Variants in MAMDC2 observed in about 807,000 individuals in gnomAD.
MAMDC2 encodes MAM domain containing 2.
Under a neutral mutation model 89.8 loss-of-function variants are expected in MAMDC2, and 57 were observed. That is an observed-to-expected ratio of 0.63 (90% CI 0.51 to 0.79). The LOEUF (loss-of-function observed/expected upper bound fraction) is 0.79. Among genes scored for constraint, MAMDC2 ranks in the 30% least tolerant of loss-of-function variants. The pLI is 0.00. For missense variants in MAMDC2, 800 were observed against 820.6 expected, an observed-to-expected ratio of 0.97 and a Z score of 0.31; for synonymous variants, 313 against 293.4, an observed-to-expected ratio of 1.07 and a Z score of -0.68.
intron 12 of MAMDC2, among the ~76,000 whole-genome samples, chr9:70,222,010 T>A (rs923292201): frequency 1.9e-4 from 29 of 152,134 alleles, no homozygotes; most frequent in African/African-American, 6.3e-4. Context: ...TATACTGCAA[T>A]GGGACAAGGA....
intron 10 of MAMDC2, chr9:70,170,223 A>G (rs555401937): frequency 4.9e-5 from 19 of 384,410 alleles, no homozygotes; most frequent in South Asian, 2.8e-4. Context: ...CAAGTCAGAG[A>G]AAGTTTTTTT....
chr9:70,155,120 C>A (rs1014758791), intron 9 of MAMDC2, among the ~76,000 whole-genome samples: 1 of 152,104 alleles, frequency 6.6e-6, no homozygotes, highest in Admixed American at 6.6e-5. Context: ...CATCTTTACC[C>A]CAGTCTTCTC....
chr9:70,154,702 A>C (rs142883477), intron 9 of MAMDC2, among the ~76,000 whole-genome samples: 41 of 151,944 alleles, frequency 2.7e-4, no homozygotes, highest in African/African-American at 9.6e-4. Flanking sequence ...TTGCAGAGAC[A>C]GGGTCTCACT....
At chr9:70,102,019 T>C (rs936701305) in intron 2 of MAMDC2, among the ~76,000 whole-genome samples, 1 of 152,228 alleles carries the variant, frequency 6.6e-6, no homozygotes, top group South Asian at 2.1e-4. Flanking sequence ...CATGGAAGTA[T>C]ATACTTATTT....
intron 2 of MAMDC2, among the ~76,000 whole-genome samples, chr9:70,100,089 G>C (rs1272497440): frequency 6.6e-6 from 1 of 150,822 alleles, no homozygotes. Context: ...AAAGTGAGAT[G>C]ACGAGGTGGG....
chr9:70,180,582 T>C (rs897107102), intron 11 of MAMDC2, among the ~76,000 whole-genome samples: 1 of 152,238 alleles, frequency 6.6e-6, no homozygotes, highest in Admixed American at 6.5e-5. Flanking sequence ...TGGTATCTCA[T>C]TGTGTTTTTG....
At chr9:70,148,533 C>CAAT (rs1407394714) in intron 9 of MAMDC2, among the ~76,000 whole-genome samples, 1 of 150,368 alleles carries the variant, frequency 6.7e-6, no homozygotes, top group African/African-American at 2.5e-5. Context: ...AGTTGATGCT[C>CAAT]AATAATTGTC....
intron 2 of MAMDC2, among the ~76,000 whole-genome samples, chr9:70,084,168 C>T (rs1045433818): frequency 8.5e-5 from 13 of 152,152 alleles, no homozygotes; most frequent in South Asian, 2.1e-4. Flanking sequence ...TTCTGTGAGA[C>T]GGGAGACTCA....
At chr9:70,169,481 T>C (rs2032268191) in intron 10 of MAMDC2, among the ~76,000 whole-genome samples, 1 of 152,212 alleles carries the variant, frequency 6.6e-6, no homozygotes, top group South Asian at 2.1e-4. Context: ...GTTTATTTAA[T>C]TAAAAGACAA....
intron 11 of MAMDC2, among the ~76,000 whole-genome samples, chr9:70,180,838 G>A (rs976649500): frequency 3.3e-5 from 5 of 152,156 alleles, no homozygotes; most frequent in African/African-American, 4.8e-5. Flanking sequence ...CTTTTGCTGT[G>A]CAGAAGCTCT....
At chr9:70,096,699 G>T (rs1828037119) in intron 2 of MAMDC2, among the ~76,000 whole-genome samples, 1 of 152,112 alleles carries the variant, frequency 6.6e-6, no homozygotes, top group African/African-American at 2.4e-5. Flanking sequence ...CTATGGTAAG[G>T]AAGAGTCATC....
At chr9:70,088,012 G>A (rs986239352) in intron 2 of MAMDC2, among the ~76,000 whole-genome samples, 5 of 152,108 alleles carry the variant, frequency 3.3e-5, no homozygotes, top group African/African-American at 9.7e-5. Flanking sequence ...GAGGCAATGG[G>A]TAGAAACATC....
intron 11 of MAMDC2, chr9:70,216,506 T>C (rs756463753): frequency 1.3e-5 from 2 of 152,190 alleles, no homozygotes; most frequent in Non-Finnish European, 2.9e-5. Flanking sequence ...CCTCATGACC[T>C]CATCTAGCCC....
chr9:70,069,453 A>G (rs984949248), intron 2 of MAMDC2, among the ~76,000 whole-genome samples: 2 of 152,222 alleles, frequency 1.3e-5, no homozygotes, highest in African/African-American at 4.8e-5. Flanking sequence ...GTTTTTGTGT[A>G]TCAAACAGCC....
Position 70,218,505 on chromosome 9 carries a change from G to C in MAMDC2, c.1820G>C (p.Ser607Thr), listed in dbSNP as rs778718142. 6.2e-7 allele frequency: 1 copy of C among 1,614,186 alleles called. No homozygotes were observed. The highest frequency in any genetic ancestry group is 8.5e-7 in the Non-Finnish European group (1 of 1,180,032). ...LSVYLKKEED[S>T]EESLLWRRRG... ...GTTTATCTGAAAAAGGAAGAAGACA[G>C]TGAAGAGTCCCTCTTATGGAGGAGA... Residue 607 changes from serine (S) to threonine (T), a missense_variant, in exon 12 of 14, where the codon AGT becomes ACT. Physicochemically the swap from Ser to Thr is moderately conservative, Grantham distance 58 (BLOSUM62 1). Transcript: ENST00000377182.
intron 11 of MAMDC2, 48 bp from the exon 12 acceptor site, chr9:70,218,289 G>A: frequency 6.4e-7 from 1 of 1,555,886 alleles, no homozygotes; most frequent in Non-Finnish European, 8.7e-7. Flanking sequence ...AGGAGAAAAT[G>A]TAATTTGTGT....
intron 2 of MAMDC2, among the ~76,000 whole-genome samples, chr9:70,076,974 C>T (rs1827546199): frequency 6.6e-6 from 1 of 152,180 alleles, no homozygotes; most frequent in Non-Finnish European, 1.5e-5. Flanking sequence ...GAATTCTTCA[C>T]AAGTTAGAGG....
intron 7 of MAMDC2, among the ~76,000 whole-genome samples, chr9:70,134,558 C>T (rs1434995127): frequency 1.3e-5 from 2 of 152,258 alleles, no homozygotes; most frequent in South Asian, 2.1e-4. Flanking sequence ...TTGGGTCCAC[C>T]CCACACCCAG....
At chr9:70,183,362 G>C (rs1269695782) in intron 11 of MAMDC2, among the ~76,000 whole-genome samples, 1 of 152,142 alleles carries the variant, frequency 6.6e-6, no homozygotes, top group Non-Finnish European at 1.5e-5. Flanking sequence ...TATCTATTAG[G>C]TCCGCTTGGT....
Sources: gnomAD v4.1 joint callset for allele counts (sites outside exome capture counted in the v4.1 genomes callset) on GRCh38, gnomAD v4.1.1 for gene constraint, MANE v1.5 for transcripts, NCBI Gene and HGNC (gene_info 2026-07-23, HGNC 2026-07-21) for gene names.